VSNL1: variants seen among roughly 807,000 people sequenced by gnomAD.
The protein encoded by VSNL1 is visinin like 1, also known as visinin-like protein 1.
VSNL1 carries 6 observed loss-of-function variants against 20.4 expected under a neutral mutation model. The observed-to-expected ratio is 0.29, with a 90% CI of 0.16 to 0.58. VSNL1 has a LOEUF of 0.58. Ranked by LOEUF, VSNL1 falls within the 20% of genes least tolerant of loss-of-function variation. The pLI is 0.90. For missense variants in VSNL1, 100 were observed against 234.5 expected, an observed-to-expected ratio of 0.43 and a Z score of 3.75; for synonymous variants, 93 against 86.4, an observed-to-expected ratio of 1.08 and a Z score of -0.42.
At chr2:17,585,241 A>T (rs1664442467) in intron 1 of VSNL1, among the ~76,000 whole-genome samples, 3 of 152,106 alleles carry the variant, frequency 2.0e-5, no homozygotes, top group Non-Finnish European at 4.4e-5. Context: ...GTCCCCAGAC[A>T]CATCATGAAA....
chr2:17,545,481 A>T (rs1167354167), intron 1 of VSNL1, among the ~76,000 whole-genome samples: 1 of 152,266 alleles, frequency 6.6e-6, no homozygotes, highest in Admixed American at 6.5e-5. Context: ...TGATAAGTAA[A>T]AGAGGGAATA....
At position 17,649,484 on chromosome 2, in the gene VSNL1, C is replaced by T. The variant is rs754887928; in HGVS notation, c.237C>T (p.Thr79=). ...CCTTCGACAAGAATGGGGACGGCAC[C>T]ATTGACTTCCGAGAGTTCATCTGCG... is the stretch of plus-strand genomic sequence containing the variant. ...FRTFDKNGDG[T]IDFREFICAL... is the part of the protein sequence containing the mutation. The change falls in exon 3 of 4, where the codon ACC becomes ACT. Residue 79 remains threonine (T), a synonymous_variant. Transcript: ENST00000295156. The surrounding 1 kb of genome is among the most constrained non-coding windows in gnomAD (Gnocchi z 6.4). 1 of 1,614,172 alleles carries T rather than the reference C, an allele frequency of 6.2e-7. No individual in the cohort carries two copies. Among genetic ancestry groups the T allele is most frequent in the South Asian group, 1.1e-5 (1 of 91,076 alleles).
chr2:17,628,984 T>C (rs1017540924), intron 2 of VSNL1, among the ~76,000 whole-genome samples: 9 of 152,208 alleles, frequency 5.9e-5, no homozygotes, highest in African/African-American at 2.2e-4. Context: ...CTCACTCTAG[T>C]GGCACAAAGA....
chr2:17,565,617 A>G (rs62131524), intron 1 of VSNL1, among the ~76,000 whole-genome samples: 5,035 of 152,318 alleles, frequency 0.033, 89 homozygotes, highest in East Asian at 0.097. Flanking sequence ...TGTGATAGTT[A>G]GTGCCTAATA....
chr2:17,639,198 T>C (rs1400890222), intron 2 of VSNL1, among the ~76,000 whole-genome samples: 1 of 152,202 alleles, frequency 6.6e-6, no homozygotes, highest in African/African-American at 2.4e-5. Flanking sequence ...ATTGCTTCGA[T>C]GGAAATATTG....
Position 17,656,015 on chromosome 2 carries a change from A to G in VSNL1, c.*621A>G, listed in dbSNP as rs1434321663. The G allele has an allele frequency of 6.6e-6, 1 of 152,610 alleles. No homozygotes were observed. Among genetic ancestry groups the G allele is most frequent in the African/African-American group, 2.4e-5 (1 of 41,422 alleles). The allele number at this position is 152,610 out of a possible 1,614,324, so 9.5% of individuals were successfully genotyped here. A position where few individuals can be genotyped will look rare whatever the true frequency, so the allele number is the denominator to read the frequency against. On this transcript the variant is annotated 3_prime_UTR_variant, in exon 4 of 4. Transcript: ENST00000295156. ...GATGAATGCAGTATAAAATGTAAAA[A>G]CCCTGCTAAATGACTTATTGATTAA...
chr2:17,647,049 T>A (rs896990481), intron 2 of VSNL1, among the ~76,000 whole-genome samples: 35 of 152,314 alleles, frequency 2.3e-4, no homozygotes, highest in Non-Finnish European at 3.8e-4. Context: ...AAAGTAAACA[T>A]GTTGGTTGTA....
intron 1 of VSNL1, among the ~76,000 whole-genome samples, chr2:17,580,267 C>T (rs999037298): frequency 4.6e-5 from 7 of 152,158 alleles, no homozygotes; most frequent in African/African-American, 1.7e-4. Context: ...AAGGAATCTA[C>T]CCAAAGGACA....
chr2:17,632,689 G>A (rs1665664350), intron 2 of VSNL1, among the ~76,000 whole-genome samples: 1 of 152,124 alleles, frequency 6.6e-6, no homozygotes, highest in South Asian at 2.1e-4. Flanking sequence ...CTTCGTAAAT[G>A]TGTACTATCT....
chr2:17,606,477 A>G (rs1664946624), intron 2 of VSNL1, among the ~76,000 whole-genome samples: 3 of 152,260 alleles, frequency 2.0e-5, no homozygotes, highest in Middle Eastern at 6.8e-3. Context: ...CAGGAGGCTG[A>G]GGGTCTGACA....
intron 1 of VSNL1, among the ~76,000 whole-genome samples, chr2:17,545,578 G>A (rs1663388178): frequency 6.6e-6 from 1 of 152,088 alleles, no homozygotes; most frequent in Non-Finnish European, 1.5e-5. Context: ...ACCCTGTGAG[G>A]GGACCACATC....
At chr2:17,578,544 C>T (rs1442286323) in intron 1 of VSNL1, among the ~76,000 whole-genome samples, 5 of 152,112 alleles carry the variant, frequency 3.3e-5, no homozygotes, top group Non-Finnish European at 7.4e-5. Flanking sequence ...TGACACAGGC[C>T]CAGAAGCATT....
In VSNL1 at chr2:17,592,054, A is replaced by C. The variant is rs1323635064; in HGVS notation, c.-5-16A>C. The C allele has an allele frequency of 6.2e-7, 1 of 1,613,400 alleles. No homozygotes were observed. The highest frequency in any genetic ancestry group is 8.5e-7 in the Non-Finnish European group (1 of 1,179,556). On this transcript the variant is annotated splice_polypyrimidine_tract_variant and intron_variant, in intron 1 of 3. Transcript: ENST00000295156. ...CACAGCCACAGCGCTAATTGAATTA[A>C]TTTGCTTTTCTTCAGGCAGGATGGG...
chr2:17,550,771 A>G (rs1261552821), intron 1 of VSNL1, among the ~76,000 whole-genome samples: 1 of 152,196 alleles, frequency 6.6e-6, no homozygotes, highest in East Asian at 1.9e-4. Flanking sequence ...CTCTTCAAGG[A>G]CTATGGAAAT....
intron 1 of VSNL1, among the ~76,000 whole-genome samples, chr2:17,580,981 T>G (rs924843063): frequency 6.6e-6 from 1 of 152,224 alleles, no homozygotes; most frequent in Non-Finnish European, 1.5e-5. Context: ...GATTTTGATA[T>G]AAATTATGAA....
rs182851135 is a variant in VSNL1 at position 17,573,339 on chromosome 2, G to T, written c.-5-18731G>T. ...GACTTTCTCTTCAGGCATCAGTAAG[G>T]CATTGAATGCCTGAAATGGTCAGAT... On this transcript the variant is annotated intron_variant, in intron 1 of 3. Coordinates refer to ENST00000295156, the MANE Select transcript of VSNL1 (RefSeq NM_003385.5). Among the ~76,000 whole-genome samples the T allele has an allele frequency of 2.4e-4, 36 of 152,198 alleles. No homozygotes were observed. In the East Asian group the frequency reaches 6.6e-3, roughly 28 times the overall value.
intron 2 of VSNL1, among the ~76,000 whole-genome samples, chr2:17,611,200 G>T (rs544427359): frequency 5.3e-5 from 8 of 152,298 alleles, no homozygotes; most frequent in Admixed American, 2.6e-4. Flanking sequence ...TTCTGCCCTA[G>T]ATACCATTAT....
At chr2:17,602,768 T>TA (rs146999421) in intron 2 of VSNL1, among the ~76,000 whole-genome samples, 2 of 90,336 alleles carry the variant, frequency 2.2e-5, no homozygotes, top group African/African-American at 5.5e-5. Flanking sequence ...TAAAATAAAA[T>TA]AAAAAAATAA....
chr2:17,642,447 T>C (rs898898383), intron 2 of VSNL1, among the ~76,000 whole-genome samples: 2 of 151,890 alleles, frequency 1.3e-5, no homozygotes, highest in African/African-American at 4.8e-5. Flanking sequence ...TAGCTGGGAC[T>C]ACAGGTACCC....
Sources: allele counts gnomAD v4.1 joint callset (sites outside exome capture counted in the v4.1 genomes callset), GRCh38; gene constraint gnomAD v4.1.1; non-coding constraint Gnocchi (gnomAD v3.1); transcripts MANE v1.5; gene names NCBI Gene and HGNC (gene_info 2026-07-23, HGNC 2026-07-21).